Variants in TASOR2 observed in about 807,000 individuals in gnomAD.
The protein encoded by TASOR2 is transcription activation suppressor family member 2, also known as protein TASOR 2.
A neutral mutation model predicts 199.5 loss-of-function variants in TASOR2; 84 were observed. The ratio of observed to expected loss-of-function variants is 0.42; its 90% confidence interval spans 0.35 to 0.50. The LOEUF (loss-of-function observed/expected upper bound fraction) is 0.50, where lower values mean the gene tolerates loss of function less well. Ranked by LOEUF, TASOR2 falls within the 20% of genes least tolerant of loss-of-function variation. TASOR2 has a pLI of 0.02. For synonymous variants in TASOR2, 1,103 were observed against 1,046.6 expected (o/e 1.05, Z -1.04); for missense variants, 2,796 against 2,835.9 (o/e 0.99, Z 0.32).
intron 12 of TASOR2, among the ~76,000 whole-genome samples, chr10:5,736,281 G>A (rs535913578): frequency 1.2e-4 from 19 of 152,104 alleles, no homozygotes; most frequent in African/African-American, 4.6e-4. Context: ...AGCCAGGCGT[G>A]GTGGCACATG....
In TASOR2 at chr10:5,689,467, G is replaced by T. The variant is rs1294298011; in HGVS notation, c.-288+4292G>T. Among the ~76,000 whole-genome samples, 5 of 152,132 alleles carry T rather than the reference G, an allele frequency of 3.3e-5. No homozygotes were observed. The highest frequency in any genetic ancestry group is 1.2e-4 in the African/African-American group (5 of 41,420). The stretch of plus-strand genomic sequence containing the variant: ...ATACAAAAATTATCCCGGCATGGGG[G>T]TGCGCGCCTGTAGTCCCAGCTACTC... On this transcript the variant is annotated intron_variant, in intron 1 of 20. Transcript: ENST00000328090. The surrounding 1 kb of genome is among the most constrained non-coding windows in gnomAD (Gnocchi z 4.1).
chr10:5,725,182 G>A (rs183939133), intron 8 of TASOR2, among the ~76,000 whole-genome samples: 95 of 152,020 alleles, frequency 6.2e-4, no homozygotes, highest in African/African-American at 2.2e-3. Context: ...GGCGGATCAC[G>A]AGGTCAGGAG....
chr10:5,756,591 T>C (rs777800229), intron 15 of TASOR2, 22 bp from the exon 17 acceptor site: 3 of 1,609,592 alleles, frequency 1.9e-6, no homozygotes, highest in Middle Eastern at 1.7e-4. Context: ...TTTTTAATAA[T>C]GGCTATTTGT....
In TASOR2 at chr10:5,720,805, T is replaced by G. The variant is rs1833259202; in HGVS notation, c.46+31T>G. 2 of 1,598,564 alleles carry G rather than the reference T, an allele frequency of 1.3e-6. No individual in the cohort carries two copies. Among genetic ancestry groups the G allele is most frequent in the African/African-American group, 1.4e-5 (1 of 73,560 alleles). ...AAATAGTTCATTGATTCTTTTAGGT[T>G]TTTTTTTTCTTGAGTAAATGTTTCA... On this transcript the variant is annotated intron_variant, in intron 5 of 20. Coordinates refer to ENST00000328090, the Ensembl canonical transcript of TASOR2. This position sits in a 1 kb window ranked among gnomAD's most constrained non-coding sequence, Gnocchi z 5.3.
At chr10:5,704,146 C>T (rs1838269971) in intron 1 of TASOR2, among the ~76,000 whole-genome samples, 1 of 151,326 alleles carries the variant, frequency 6.6e-6, no homozygotes, top group South Asian at 2.1e-4. Context: ...ATCACTTGAA[C>T]CTGGGAGGCG....
chr10:5,727,463 T>TA (rs1834193366), intron 10 of TASOR2, among the ~76,000 whole-genome samples: 1 of 152,216 alleles, frequency 6.6e-6, no homozygotes, highest in Non-Finnish European at 1.5e-5. Context: ...CTGTTCTCCT[T>TA]ATCTGGACCT....
chr10:5,692,140 ACT>A (rs770112118), intron 1 of TASOR2, among the ~76,000 whole-genome samples: 61 of 83,296 alleles, frequency 7.3e-4, no homozygotes, highest in Admixed American at 7.5e-4. Flanking sequence ...GTGCCACTGC[ACT>A]CTGTCTCAAA....
chr10:5,742,641 A>G lies in TASOR2; in HGVS notation c.2757+115A>G, dbSNP rs1836602404. 2 of 961,598 alleles carry G rather than the reference A, an allele frequency of 2.1e-6. No homozygotes were observed. Among genetic ancestry groups the G allele is most frequent in the Non-Finnish European group, 1.5e-6 (1 of 655,028 alleles). The allele number at this position is 961,598 out of a possible 1,614,324, so 59.6% of individuals were successfully genotyped here. ...TTAAATTTTAGGACAGTGAATTCTC[A>G]AGGTATGTAAAGAACTATTACACCA... On this transcript the variant is annotated intron_variant, in intron 14 of 20. Transcript: ENST00000328090. The surrounding 1 kb of genome is among the most constrained non-coding windows in gnomAD (Gnocchi z 4.2).
At chr10:5,705,247 A>T (rs193019664) in intron 1 of TASOR2, among the ~76,000 whole-genome samples, 5 of 152,326 alleles carry the variant, frequency 3.3e-5, no homozygotes, top group Non-Finnish European at 2.9e-5. Flanking sequence ...CTGTATATGT[A>T]TAGAATTTTA....
intron 1 of TASOR2, among the ~76,000 whole-genome samples, chr10:5,703,378 A>G (rs951832159): frequency 2.0e-5 from 3 of 152,014 alleles, no homozygotes; most frequent in African/African-American, 7.2e-5. Flanking sequence ...TAAATCTCTC[A>G]GTATGATTAA....
At position 5,759,087 on chromosome 10, in the gene TASOR2, A is replaced by G. The variant is rs1839398927; in HGVS notation, c.6992+95A>G. 3 of 817,302 alleles carry G rather than the reference A, an allele frequency of 3.7e-6. No homozygotes were observed. The East Asian group carries it at 7.5e-5, about 21-fold the overall frequency. The allele number at this position is 817,302 out of a possible 1,614,324, so 50.6% of individuals were successfully genotyped here. On this transcript the variant is annotated intron_variant, in intron 18 of 20. Transcript: ENST00000328090. ...GGGCTCTAGCCTAGTGCTGCAGTGG[A>G]ATGGCCTTCATCAGTAAAGAGCATG...
chr10:5,697,089 AGG>A (rs1837253896), intron 1 of TASOR2, among the ~76,000 whole-genome samples: 2 of 152,202 alleles, frequency 1.3e-5, no homozygotes, highest in African/African-American at 4.8e-5. Flanking sequence ...GTGACTTTCT[AGG>A]TTGAAAGGGC....
Position 5,751,534 on chromosome 10 carries a change from A to T in TASOR2, c.6606+1507A>T, listed in dbSNP as rs1838036812. On this transcript the variant is annotated intron_variant, in intron 15 of 20. Coordinates refer to ENST00000328090, the Ensembl canonical transcript of TASOR2. The surrounding 1 kb of genome is among the most constrained non-coding windows in gnomAD (Gnocchi z 5.3). Reference sequence around the variant, plus strand: ...GATTGTCCCAGACCCAGCCAGTGGGAGTCCCTTTAAGTTGGCTTCTGTGTC... The same window carrying T: ...GATTGTCCCAGACCCAGCCAGTGGGTGTCCCTTTAAGTTGGCTTCTGTGTC... Among the ~76,000 whole-genome samples, 2 of 152,174 alleles carry T rather than the reference A, an allele frequency of 1.3e-5. No homozygotes were observed. The highest frequency in any genetic ancestry group is 4.8e-5 in the African/African-American group (2 of 41,432).
chr10:5,714,316 A>G, intron 2 of TASOR2, 109 bp downstream of exon 3: 2 of 560,750 alleles, frequency 3.6e-6, no homozygotes, highest in Non-Finnish European at 5.3e-6. Flanking sequence ...GTTTCATTAA[A>G]TGTCAAACAG....
intron 12 of TASOR2, among the ~76,000 whole-genome samples, chr10:5,736,414 T>C (rs1243821711): frequency 2.2e-5 from 1 of 44,728 alleles, no homozygotes; most frequent in Non-Finnish European, 4.5e-5. Flanking sequence ...CGAGACTCCG[T>C]CTCAGAAAAA....
At position 5,738,039 on chromosome 10, in the gene TASOR2, C is replaced by T. The variant is rs1233369382; in HGVS notation, c.1448-1579C>T. ...TTACTTCTTATACTTAAAATATCAACGTTTAAGAAGGCAGATGAAACATAG... is the reference window on the plus strand; with the variant it reads ...TTACTTCTTATACTTAAAATATCAATGTTTAAGAAGGCAGATGAAACATAG... On this transcript the variant is annotated intron_variant, in intron 12 of 20. Coordinates refer to ENST00000328090, the Ensembl canonical transcript of TASOR2. This position sits in a 1 kb window ranked among gnomAD's most constrained non-coding sequence, Gnocchi z 4.7. Among the ~76,000 whole-genome samples the T allele has an allele frequency of 6.6e-6, 1 of 152,120 alleles. No homozygotes were observed. Among genetic ancestry groups the T allele is most frequent in the African/African-American group, 2.4e-5 (1 of 41,422 alleles).
chr10:5,700,542 T>C (rs1454528931), intron 1 of TASOR2, among the ~76,000 whole-genome samples: 2 of 152,276 alleles, frequency 1.3e-5, no homozygotes, highest in East Asian at 1.9e-4. Flanking sequence ...TAACTTAAAT[T>C]TCTACCAGCA....
rs1238669570 is a variant in TASOR2, at chr10:5,685,522, G to A, written c.-288+347G>A. Among the ~76,000 whole-genome samples the A allele has an allele frequency of 6.6e-6, 1 of 152,216 alleles. No individual in the cohort carries two copies. The highest frequency in any genetic ancestry group is 6.5e-5 in the Admixed American group (1 of 15,284). On this transcript the variant is annotated intron_variant, in intron 1 of 20. Transcript: ENST00000328090. The surrounding 1 kb of genome is among the most constrained non-coding windows in gnomAD (Gnocchi z 5.4). ...TTCTTGGCTGAAGTTTCCGTCTTCG[G>A]GTTTGCACCGGCTGGGAAATCATTT...
At position 5,704,039 on chromosome 10, in the gene TASOR2, G is replaced by C. The variant is rs959372755; in HGVS notation, c.-287-8784G>C. Among the ~76,000 whole-genome samples, 37 of 151,624 alleles carry C rather than the reference G, an allele frequency of 2.4e-4. 1 individual carries two copies. Among genetic ancestry groups the C allele is most frequent in the Non-Finnish European group, 4.1e-4 (28 of 67,858 alleles). Reference sequence around the variant, plus strand: ...AGGAGTTTGAGACCAGCCTGGCCAAGATGGTGAAACCCCATCTCTACTAAA... The same window carrying C: ...AGGAGTTTGAGACCAGCCTGGCCAACATGGTGAAACCCCATCTCTACTAAA... On this transcript the variant is annotated intron_variant, in intron 1 of 20. Coordinates refer to ENST00000328090, the Ensembl canonical transcript of TASOR2.
Sources: gnomAD v4.1 joint callset for allele counts (sites outside exome capture counted in the v4.1 genomes callset) on GRCh38, gnomAD v4.1.1 for gene constraint, Gnocchi (gnomAD v3.1) non-coding constraint, MANE v1.5 for transcripts, NCBI Gene and HGNC (gene_info 2026-07-23, HGNC 2026-07-21) for gene names.